Variants in KIF13B observed in about 807,000 individuals in gnomAD.
The protein encoded by KIF13B is kinesin-like protein KIF13B.
In KIF13B, 127 loss-of-function variants were observed where a neutral mutation model predicts 222.0. The ratio of observed to expected loss-of-function variants is 0.57; its 90% CI spans 0.50 to 0.66. KIF13B has a LOEUF of 0.66. KIF13B is among the 30% of genes least tolerant of loss of function. KIF13B has a pLI of 0.00. For synonymous variants in KIF13B, 976 were observed against 919.0 expected (o/e 1.06, Z -1.12); for missense variants, 2,173 against 2,379.0 (o/e 0.91, Z 1.80).
At chr8:29,175,038 C>A (rs1812419063) in intron 10 of KIF13B, among the ~76,000 whole-genome samples, 1 of 152,032 alleles carries the variant, frequency 6.6e-6, no homozygotes, top group African/African-American at 2.4e-5. Flanking sequence ...GCAACGCATG[C>A]CAGGTGTTCA....
At chr8:29,119,084 G>T in intron 29 of KIF13B, 92 bp from the exon 30 acceptor site, 1 of 1,319,908 alleles carries the variant, frequency 7.6e-7, no homozygotes, top group Non-Finnish European at 1.0e-6. Flanking sequence ...CAATTCTTCT[G>T]CTTCAAATTT....
At chr8:29,073,806 C>T (rs1419273831) in intron 38 of KIF13B, among the ~76,000 whole-genome samples, 1 of 152,152 alleles carries the variant, frequency 6.6e-6, no homozygotes, top group Non-Finnish European at 1.5e-5. Context: ...CCACCAACCA[C>T]ACTTTCAGGG....
intron 35 of KIF13B, among the ~76,000 whole-genome samples, chr8:29,103,554 A>T (rs1244747260): frequency 6.6e-6 from 1 of 152,220 alleles, no homozygotes; most frequent in African/African-American, 2.4e-5. Context: ...GACTTATCCC[A>T]AGAGTGATTT....
chr8:29,162,460 G>T lies in KIF13B; in HGVS notation c.1270-1593C>A, dbSNP rs148436076. ...ACTACAGGGTTCTTTCAGAAGTTTT[G>T]AGTCATTTAATGCTAACCATCAGAG... On this transcript the variant is annotated intron_variant, in intron 12 of 39. Transcript: ENST00000524189. Among the ~76,000 whole-genome samples, 16 of 152,262 alleles carry T rather than the reference G, an allele frequency of 1.1e-4. No individual in the cohort carries two copies. In the East Asian group the frequency reaches 2.1e-3, roughly 20 times the overall value.
chr8:29,093,808 T>C (rs1158911987), intron 36 of KIF13B, among the ~76,000 whole-genome samples: 1 of 149,852 alleles, frequency 6.7e-6, no homozygotes, highest in Non-Finnish European at 1.5e-5. Context: ...CACTGAAAAA[T>C]AAAAAAGCAA....
chr8:29,175,695 G>T (rs1047332682), intron 10 of KIF13B, among the ~76,000 whole-genome samples: 3 of 152,222 alleles, frequency 2.0e-5, no homozygotes, highest in Non-Finnish European at 4.4e-5. Context: ...CCCAACAAAA[G>T]GAGTCTGTGG....
At chr8:29,081,575 A>G (rs1807811712) in intron 37 of KIF13B, among the ~76,000 whole-genome samples, 1 of 152,216 alleles carries the variant, frequency 6.6e-6, no homozygotes, top group African/African-American at 2.4e-5. Flanking sequence ...GATTTCAAGG[A>G]CTTTGTACAG....
At chr8:29,237,886 G>C (rs1815582195) in intron 2 of KIF13B, among the ~76,000 whole-genome samples, 1 of 152,110 alleles carries the variant, frequency 6.6e-6, no homozygotes, top group Non-Finnish European at 1.5e-5. Flanking sequence ...CTTTTTAAAG[G>C]GAGAGGCTGA....
At chr8:29,123,613 T>TA (rs1365708759) in intron 27 of KIF13B, 121 bp from the exon 28 acceptor site, 18 of 1,294,242 alleles carry the variant, frequency 1.4e-5, no homozygotes, top group Non-Finnish European at 1.7e-5. Context: ...TCCCCAGTGA[T>TA]AAAAACTAAC....
intron 10 of KIF13B, among the ~76,000 whole-genome samples, chr8:29,175,613 T>C (rs183458766): frequency 1.6e-4 from 25 of 152,210 alleles, no homozygotes; most frequent in Admixed American, 1.4e-3. Flanking sequence ...AAAGGCATCA[T>C]GAGTAAAGCT....
intron 3 of KIF13B, among the ~76,000 whole-genome samples, chr8:29,194,267 ACTCTC>A (rs1394113893): frequency 2.7e-5 from 4 of 147,056 alleles, no homozygotes; most frequent in Middle Eastern, 3.4e-3. Context: ...TCTAAATGGC[ACTCTC>A]CTCTCCATTA....
In KIF13B at chr8:29,140,514, T is replaced by C; in HGVS notation, c.2438A>G (p.Asp813Gly). The C allele has an allele frequency of 1.2e-6, 2 of 1,613,926 alleles. No individual in the cohort carries two copies. The highest frequency in any genetic ancestry group is 1.3e-5 in the African/African-American group (1 of 75,032). The change falls in exon 20 of 40, where the codon GAT (aspartate) becomes GGT (glycine). Residue 813 changes from aspartate (D) to glycine (G), a missense_variant. Physicochemically the swap from Asp to Gly is moderately conservative, Grantham distance 94. This residue lies in a region of KIF13B where 1,480 missense variants were observed against 1,722.8 expected (regional missense o/e 0.86). Coordinates refer to ENST00000524189, the MANE Select transcript of KIF13B (RefSeq NM_015254.4). ...GGGAACAGCGTATTGTAACTTCACA[T>C]CATAGAAAAGTGACTCGAGGAAGAC... ...ANVFLESLFY[D>G]VKLQYAVPII...
At chr8:29,199,033 G>A (rs1290582075) in intron 2 of KIF13B, among the ~76,000 whole-genome samples, 1 of 145,340 alleles carries the variant, frequency 6.9e-6, no homozygotes, top group African/African-American at 2.7e-5. Context: ...ACTCATCCGT[G>A]TAACCAAAAA....
intron 2 of KIF13B, among the ~76,000 whole-genome samples, chr8:29,201,649 A>C (rs1813698473): frequency 6.6e-6 from 1 of 152,228 alleles, no homozygotes; most frequent in Non-Finnish European, 1.5e-5. Flanking sequence ...TAAAGGTCTG[A>C]GTTGCTGAAA....
chr8:29,131,146 A>G (rs549495641), intron 23 of KIF13B, among the ~76,000 whole-genome samples: 1 of 152,282 alleles, frequency 6.6e-6, no homozygotes, highest in South Asian at 2.1e-4. Context: ...AAAGATAGCA[A>G]CAACAGACAC....
intron 2 of KIF13B, among the ~76,000 whole-genome samples, chr8:29,234,037 A>G (rs1815398893): frequency 6.6e-6 from 1 of 152,254 alleles, no homozygotes; most frequent in South Asian, 2.1e-4. Flanking sequence ...AGTCATGTCA[A>G]CAATTAGGGA....
At chr8:29,235,626 G>A (rs562023434) in intron 2 of KIF13B, among the ~76,000 whole-genome samples, 4 of 152,056 alleles carry the variant, frequency 2.6e-5, no homozygotes, top group African/African-American at 9.6e-5. Flanking sequence ...TGAAGGGAAG[G>A]GAGTTTTCAA....
chr8:29,137,602 G>C (rs1194034701), intron 21 of KIF13B, among the ~76,000 whole-genome samples: 2 of 152,180 alleles, frequency 1.3e-5, no homozygotes, highest in East Asian at 3.8e-4. Context: ...CATCTTAACT[G>C]TCTCCAGGCT....
chr8:29,075,459 G>A (rs1374169385), intron 37 of KIF13B, 116 bp from the exon 38 acceptor site: 27 of 857,712 alleles, frequency 3.1e-5, no homozygotes, highest in Non-Finnish European at 4.8e-5. Context: ...GGCCCATCAG[G>A]TGTGCGAGTG....
Sources: allele counts gnomAD v4.1 joint callset (sites outside exome capture counted in the v4.1 genomes callset), GRCh38; gene constraint gnomAD v4.1.1; regional missense constraint gnomAD v4.1.1; transcripts MANE v1.5; gene names NCBI Gene and HGNC (gene_info 2026-07-23, HGNC 2026-07-21).